STAU2: variants seen among roughly 807,000 people sequenced by gnomAD.
The protein encoded by STAU2 is double-stranded RNA-binding protein Staufen homolog 2.
STAU2 carries 20 observed loss-of-function variants against 65.9 expected under a neutral mutation model. The observed-to-expected ratio is 0.30, with a 90% CI of 0.21 to 0.44. The LOEUF is 0.44. Among genes scored for constraint, STAU2 ranks in the 20% least tolerant of loss-of-function variants. The probability of loss-of-function intolerance (pLI) is 1.00; values close to 1 mark genes in which losing one functional copy is unlikely to be tolerated. For missense variants in STAU2, 558 were observed against 683.9 expected (o/e 0.82, Z 2.05); for synonymous variants, 232 against 233.9 (o/e 0.99, Z 0.07).
At chr8:73,559,548 C>A (rs572008581) in intron 12 of STAU2, among the ~76,000 whole-genome samples, 1 of 152,160 alleles carries the variant, frequency 6.6e-6, no homozygotes, top group African/African-American at 2.4e-5. Flanking sequence ...GCCTCATAGC[C>A]GGGACCTTGT....
intron 4 of STAU2, among the ~76,000 whole-genome samples, chr8:73,702,554 T>C (rs1461475292): frequency 1.3e-5 from 2 of 151,946 alleles, no homozygotes; most frequent in Admixed American, 6.6e-5. Flanking sequence ...ATACCTACTA[T>C]GTACCCACAA....
chr8:73,641,073 T>C (rs949328236), intron 6 of STAU2, among the ~76,000 whole-genome samples: 1 of 152,222 alleles, frequency 6.6e-6, no homozygotes, highest in South Asian at 2.1e-4. Context: ...ACAAAGTTAT[T>C]AGTTATATTA....
chr8:73,590,718 G>A (rs1810713340), intron 11 of STAU2: 1 of 152,578 alleles, frequency 6.6e-6, no homozygotes, highest in African/African-American at 2.4e-5. Flanking sequence ...TGGGAGGTGT[G>A]TGGCTTCCCC....
intron 1 of STAU2, among the ~76,000 whole-genome samples, chr8:73,745,120 G>A (rs558707583): frequency 1.8e-4 from 27 of 152,212 alleles, no homozygotes; most frequent in Non-Finnish European, 3.5e-4. Flanking sequence ...TATGGCAATA[G>A]TGACTTGACT....
chr8:73,696,407 A>G (rs1819696247), intron 4 of STAU2, among the ~76,000 whole-genome samples: 1 of 152,266 alleles, frequency 6.6e-6, no homozygotes, highest in African/African-American at 2.4e-5. Flanking sequence ...ACAAGGGATC[A>G]ATCCTGGAAA....
chr8:73,516,833 T>C (rs1822753869), intron 13 of STAU2, among the ~76,000 whole-genome samples: 2 of 152,224 alleles, frequency 1.3e-5, no homozygotes, highest in African/African-American at 4.8e-5. Flanking sequence ...CCTAGGGAAC[T>C]ATATTCCATT....
chr8:73,463,378 C>T (rs1819479191), intron 13 of STAU2, among the ~76,000 whole-genome samples: 1 of 152,236 alleles, frequency 6.6e-6, no homozygotes, highest in South Asian at 2.1e-4. Context: ...CCCATATCTA[C>T]TTCATTTCCT....
intron 13 of STAU2, among the ~76,000 whole-genome samples, chr8:73,460,354 A>G (rs1246438183): frequency 6.6e-6 from 1 of 152,246 alleles, no homozygotes; most frequent in Non-Finnish European, 1.5e-5. Context: ...CAGACAGCAC[A>G]AATTACTGAT....
chr8:73,717,163 A>T (rs1821308190), intron 3 of STAU2, among the ~76,000 whole-genome samples: 2 of 152,202 alleles, frequency 1.3e-5, no homozygotes, highest in Admixed American at 6.5e-5. Context: ...GAGCAAATGG[A>T]CAGTCATCTT....
At chr8:73,681,844 A>G (rs1818456469) in intron 5 of STAU2, among the ~76,000 whole-genome samples, 1 of 152,166 alleles carries the variant, frequency 6.6e-6, no homozygotes. Context: ...ATCAGATAAA[A>G]CAGACTTTAA....
chr8:73,708,612 T>C (rs1435574735), intron 4 of STAU2, among the ~76,000 whole-genome samples: 7 of 152,192 alleles, frequency 4.6e-5, no homozygotes, highest in Admixed American at 4.6e-4. Context: ...TAGGTAACTG[T>C]TGGTATATTT....
At chr8:73,608,867 G>A (rs1812229749) in intron 9 of STAU2, among the ~76,000 whole-genome samples, 1 of 151,512 alleles carries the variant, frequency 6.6e-6, no homozygotes, top group African/African-American at 2.4e-5. Context: ...GTGGGCACCT[G>A]TAATCCCAGC....
chr8:73,605,039 A>G (rs1811907414), intron 9 of STAU2, among the ~76,000 whole-genome samples: 1 of 152,196 alleles, frequency 6.6e-6, no homozygotes. Context: ...GATAAATTAC[A>G]GCATGTTCAT....
intron 3 of STAU2, among the ~76,000 whole-genome samples, chr8:73,728,906 CTT>C (rs1805841298): frequency 1.3e-5 from 2 of 152,090 alleles, no homozygotes; most frequent in African/African-American, 2.4e-5. Context: ...ATCTGTATGT[CTT>C]TGTTTCTTTT....
At chr8:73,533,018 C>T (rs1805927127) in intron 13 of STAU2, among the ~76,000 whole-genome samples, 1 of 152,202 alleles carries the variant, frequency 6.6e-6, no homozygotes, top group South Asian at 2.1e-4. Flanking sequence ...GTAACTCCAA[C>T]ACCCAGTGCA....
At chr8:73,654,664 A>AAAAAAAAAAAAAAAAAT (rs1554556802) in intron 6 of STAU2, among the ~76,000 whole-genome samples, 9 of 122,984 alleles carry the variant, frequency 7.3e-5, no homozygotes, top group Non-Finnish European at 8.5e-5. Flanking sequence ...AAAAAAAAGA[A>AAAAAAAAAAAAAAAAAT]CTCTTTTAAT....
At chr8:73,509,663 T>C (rs999245384) in intron 13 of STAU2, among the ~76,000 whole-genome samples, 14 of 152,148 alleles carry the variant, frequency 9.2e-5, no homozygotes, top group Admixed American at 7.9e-4. Flanking sequence ...ATCGTAACTT[T>C]CTTTTTTTAA....
At chr8:73,594,366 T>G (rs1339332062) in intron 11 of STAU2, among the ~76,000 whole-genome samples, 2 of 152,308 alleles carry the variant, frequency 1.3e-5, no homozygotes, top group Admixed American at 6.5e-5. Flanking sequence ...TGTGTTCCTG[T>G]AGAAACTAAA....
At chr8:73,650,169 C>T (rs1055984236) in intron 6 of STAU2, among the ~76,000 whole-genome samples, 1 of 151,648 alleles carries the variant, frequency 6.6e-6, no homozygotes, top group Non-Finnish European at 1.5e-5. Context: ...TAACATGGTC[C>T]CAGCTGCTCT....
Sources: allele counts gnomAD v4.1 joint callset (sites outside exome capture counted in the v4.1 genomes callset), GRCh38; gene constraint gnomAD v4.1.1; transcripts MANE v1.5; gene names NCBI Gene and HGNC (gene_info 2026-07-23, HGNC 2026-07-21).